Variants in PDGFA observed in about 807,000 individuals in gnomAD.
The protein encoded by PDGFA is platelet derived growth factor subunit A, also known as platelet-derived growth factor subunit A.
Under a neutral mutation model 25.6 loss-of-function variants are expected in PDGFA, and 9 were observed. The ratio of observed to expected loss-of-function variants is 0.35; its 90% CI spans 0.21 to 0.61. The LOEUF (loss-of-function observed/expected upper bound fraction) is 0.61. Ranked by LOEUF, PDGFA falls within the 20% of genes least tolerant of loss-of-function variation. PDGFA has a pLI of 0.75. For synonymous variants in PDGFA, 133 were observed against 111.8 expected (o/e 1.19, Z -1.20); for missense variants, 242 against 272.8 (o/e 0.89, Z 0.79).
At chr7:506,069 G>A (rs537943965) in intron 4 of PDGFA, among the ~76,000 whole-genome samples, 5 of 151,558 alleles carry the variant, frequency 3.3e-5, no homozygotes, top group Non-Finnish European at 7.4e-5. Flanking sequence ...CCAGCTACTC[G>A]AGAGGCTAAG....
At chr7:519,164 G>A (rs1328712031) in exon 1 of PDGFA, 2 of 503,512 alleles carry the variant, frequency 4.0e-6, no homozygotes, top group South Asian at 3.0e-5. Context: ...CCCGGCGCGA[G>A]CAGTGAGTGC....
rs1331043369 is a variant in PDGFA, at chr7:500,343, C to T, written c.580+773G>A. The T allele has an allele frequency of 6.2e-6, 9 of 1,453,842 alleles. No individual in the cohort carries two copies. The highest frequency in any genetic ancestry group is 3.5e-5 in the Admixed American group (2 of 57,514). 90.1% of individuals were successfully genotyped at this position (1,453,842 alleles called of 1,614,324 possible). On this transcript the variant is annotated intron_variant, in intron 5 of 5. Transcript: ENST00000402802. The surrounding 1 kb of genome is among the most constrained non-coding windows in gnomAD (Gnocchi z 5.0). Reference sequence around the variant, plus strand: ...AGGGCCACATCCCCGCCGCACCCGGCGAGACAGGAAGCGTGATTTGCTGGT... The same window carrying T: ...AGGGCCACATCCCCGCCGCACCCGGTGAGACAGGAAGCGTGATTTGCTGGT...
chr7:508,120 G>T (rs748106077), intron 4 of PDGFA, among the ~76,000 whole-genome samples: 1 of 152,084 alleles, frequency 6.6e-6, no homozygotes, highest in African/African-American at 2.4e-5. Context: ...ACGAGGAAAC[G>T]ACCCGGCTGG....
chr7:518,131 A>C (rs1783192554), intron 1 of PDGFA, among the ~76,000 whole-genome samples: 1 of 152,130 alleles, frequency 6.6e-6, no homozygotes, highest in African/African-American at 2.4e-5. Flanking sequence ...CGGGAGAAGA[A>C]GCCTCCAGGG....
chr7:501,314 G>C, intron 4 of PDGFA, 72 bp from the exon 5 acceptor site: 1 of 1,588,004 alleles, frequency 6.3e-7, no homozygotes. Flanking sequence ...GCTGGGAGCC[G>C]GGGACAGGCT....
chr7:509,106 C>T (rs1258351511), intron 4 of PDGFA, among the ~76,000 whole-genome samples: 2 of 152,200 alleles, frequency 1.3e-5, no homozygotes, highest in Non-Finnish European at 2.9e-5. Flanking sequence ...AGCCCCAGGG[C>T]CTCAGCAACG....
intron 2 of PDGFA, 28 bp from the exon 3 acceptor site, chr7:512,483 T>C: frequency 1.2e-6 from 2 of 1,613,208 alleles, no homozygotes; most frequent in Non-Finnish European, 8.5e-7. Flanking sequence ...ACACCGTGAA[T>C]GCCCCAGGCC....
chr7:500,859 G>A lies in PDGFA; in HGVS notation c.580+257C>T. 6.5e-7 allele frequency: 1 copy of A among 1,538,956 alleles called. No individual in the cohort carries two copies. Among genetic ancestry groups the A allele is most frequent in the East Asian group, 2.4e-5 (1 of 41,434 alleles). The stretch of plus-strand genomic sequence containing the variant: ...GAATTGGGTGTCTTATGCACTCCCA[G>A]CCCCTCTCAGTGAGACCTGAATCTC... On this transcript the variant is annotated intron_variant, in intron 5 of 5. Coordinates refer to ENST00000402802, the Ensembl canonical transcript of PDGFA. This position sits in a 1 kb window ranked among gnomAD's most constrained non-coding sequence, Gnocchi z 5.0.
rs1314119469 is a variant in PDGFA at position 517,088 on chromosome 7, C to G, written c.160+306G>C. Reference sequence around the variant, plus strand: ...GCCGGATCCTGCCGCTCCCCCGGCCCGAGGGCAGGCGCGGGGCCCGCACAC... The same window carrying G: ...GCCGGATCCTGCCGCTCCCCCGGCCGGAGGGCAGGCGCGGGGCCCGCACAC... On this transcript the variant is annotated intron_variant, in intron 2 of 5. Coordinates refer to ENST00000402802, the Ensembl canonical transcript of PDGFA. The surrounding 1 kb of genome is among the most constrained non-coding windows in gnomAD (Gnocchi z 7.4). Among the ~76,000 whole-genome samples the G allele has an allele frequency of 6.6e-6, 1 of 151,432 alleles. No individual in the cohort carries two copies. The highest frequency in any genetic ancestry group is 1.5e-5 in the Non-Finnish European group (1 of 67,810).
chr7:503,823 G>A (rs1782452799), intron 4 of PDGFA, among the ~76,000 whole-genome samples: 1 of 152,188 alleles, frequency 6.6e-6, no homozygotes. Context: ...GGGGCGCCTG[G>A]GGTCAGGAGC....
chr7:508,359 G>T (rs892060392), intron 4 of PDGFA, among the ~76,000 whole-genome samples: 1 of 151,776 alleles, frequency 6.6e-6, no homozygotes, highest in Non-Finnish European at 1.5e-5. Context: ...TGAGCCCAGG[G>T]GGTCCAGAGC....
chr7:510,302 G>A (rs2128399723), intron 4 of PDGFA, among the ~76,000 whole-genome samples: 1 of 152,076 alleles, frequency 6.6e-6, no homozygotes, highest in East Asian at 2.0e-4. Context: ...TACCTGCCAG[G>A]GAGATGGGAG....
At chr7:501,364 C>A in intron 4 of PDGFA, 122 bp from the exon 5 acceptor site, 1 of 1,193,258 alleles carries the variant, frequency 8.4e-7, no homozygotes, top group Non-Finnish European at 1.2e-6. Context: ...GACCTCCTCC[C>A]AGAAACACTA....
chr7:512,322 C>T (rs777917326), intron 3 of PDGFA, 29 bp downstream of exon 3: 82 of 1,591,770 alleles, frequency 5.2e-5, no homozygotes, highest in Non-Finnish European at 6.5e-5. Context: ...CCCGGCCCTG[C>T]CCTGCCCATC....
exon 6 of PDGFA, chr7:498,332 C>G (rs1307302559): frequency 3.7e-6 from 2 of 545,536 alleles, no homozygotes; most frequent in East Asian, 2.9e-5. Flanking sequence ...TTCTCTCTCT[C>G]TCTTTTTGAC....
At chr7:518,435 G>GT (rs1181331653) in intron 1 of PDGFA, 2 of 153,186 alleles carry the variant, frequency 1.3e-5, no homozygotes, top group African/African-American at 4.8e-5. Context: ...GCAGGCCCGG[G>GT]CGGGCGGGAC....
intron 4 of PDGFA, among the ~76,000 whole-genome samples, chr7:507,023 G>A (rs1782587468): frequency 6.6e-6 from 1 of 152,212 alleles, no homozygotes; most frequent in Admixed American, 6.5e-5. Flanking sequence ...CCCACTCACA[G>A]GCACAGAGTC....
exon 1 of PDGFA, chr7:519,050 G>C (rs569680782): frequency 7.0e-7 from 1 of 1,435,196 alleles, no homozygotes; most frequent in African/African-American, 1.5e-5. Flanking sequence ...GCCGCGGGGC[G>C]GGCGCTCCAG....
exon 6 of PDGFA, chr7:497,957 A>AC (rs1782147494): frequency 8.9e-6 from 1 of 112,276 alleles, no homozygotes; most frequent in African/African-American, 3.4e-5. Flanking sequence ...AAAAAAAAAA[A>AC]ACAAAAAAAA....
Sources: allele counts gnomAD v4.1 joint callset (sites outside exome capture counted in the v4.1 genomes callset), GRCh38; gene constraint gnomAD v4.1.1; non-coding constraint Gnocchi (gnomAD v3.1); transcripts MANE v1.5; gene names NCBI Gene and HGNC (gene_info 2026-07-23, HGNC 2026-07-21).